The following GRID1 variants were observed in gnomAD, a reference collection of about 807,000 sequenced individuals.
GRID1 encodes the protein glutamate receptor ionotropic, delta-1.
A neutral mutation model predicts 98.0 loss-of-function variants in GRID1; 28 were observed. The ratio of observed to expected loss-of-function variants is 0.29; its 90% CI spans 0.21 to 0.39. The LOEUF (loss-of-function observed/expected upper bound fraction) is 0.39, where lower values mean the gene tolerates loss of function less well. GRID1 is among the 10% of genes least tolerant of loss of function. GRID1 has a pLI of 1.00. For synonymous variants in GRID1, 553 were observed against 538.5 expected (o/e 1.03, Z -0.37); for missense variants, 1,111 against 1,340.5 (o/e 0.83, Z 2.67).
chr10:85,964,080 G>T (rs1011936465), intron 4 of GRID1, among the ~76,000 whole-genome samples: 1 of 152,138 alleles, frequency 6.6e-6, no homozygotes, highest in Non-Finnish European at 1.5e-5. Context: ...ACTTAAAAGG[G>T]ATATGAAGGA....
rs567171578 is a variant in GRID1 at position 86,114,050 on chromosome 10, G to A, written c.726+24769C>T. On this transcript the variant is annotated intron_variant, in intron 4 of 15. Coordinates refer to ENST00000327946, the MANE Select transcript of GRID1 (RefSeq NM_017551.3). ...ATCCTTCTAAGCACCTGAGTCCACA[G>A]CATTCACATTGGTTTCCTCCATCTC... Among the ~76,000 whole-genome samples, 12 of 152,196 alleles carry A rather than the reference G, an allele frequency of 7.9e-5. No individual in the cohort carries two copies. The South Asian group carries it at 2.5e-3, about 32-fold the overall frequency.
At chr10:85,765,081 T>C (rs1446149297) in intron 8 of GRID1, among the ~76,000 whole-genome samples, 4 of 152,132 alleles carry the variant, frequency 2.6e-5, no homozygotes, top group Admixed American at 1.3e-4. Context: ...ATATATCCCA[T>C]TTAATCCTCA....
At chr10:85,979,330 A>G (rs937424343) in intron 4 of GRID1, among the ~76,000 whole-genome samples, 1 of 152,114 alleles carries the variant, frequency 6.6e-6, no homozygotes, top group Admixed American at 6.5e-5. Flanking sequence ...ATATAAAGAG[A>G]TGAGGGTGTG....
intron 3 of GRID1, among the ~76,000 whole-genome samples, chr10:86,164,049 G>T (rs776718815): frequency 6.6e-6 from 1 of 152,190 alleles, no homozygotes; most frequent in Non-Finnish European, 1.5e-5. Flanking sequence ...GACCCCAGGT[G>T]GGGAACAGTT....
intron 12 of GRID1, among the ~76,000 whole-genome samples, chr10:85,710,159 AT>A (rs953508136): frequency 2.0e-5 from 3 of 152,168 alleles, no homozygotes; most frequent in African/African-American, 7.2e-5. Context: ...GGACCCCCAA[AT>A]AGCCAAAACG....
chr10:86,105,230 T>C (rs1564676168), intron 4 of GRID1, among the ~76,000 whole-genome samples: 7 of 152,146 alleles, frequency 4.6e-5, no homozygotes. Context: ...AAATAGGCAC[T>C]GGGATAGCTT....
intron 4 of GRID1, among the ~76,000 whole-genome samples, chr10:86,074,910 T>C (rs1219978925): frequency 6.6e-6 from 1 of 152,204 alleles, no homozygotes; most frequent in East Asian, 1.9e-4. Context: ...TTGAATATTA[T>C]TGTAGTTGCT....
At chr10:85,920,388 C>A (rs183763230) in intron 4 of GRID1, among the ~76,000 whole-genome samples, 1 of 152,306 alleles carries the variant, frequency 6.6e-6, no homozygotes, top group East Asian at 1.9e-4. Flanking sequence ...CTACTGGAGT[C>A]TCCAGCCTGC....
intron 12 of GRID1, among the ~76,000 whole-genome samples, chr10:85,662,896 C>T (rs1236482396): frequency 6.6e-6 from 1 of 152,138 alleles, no homozygotes; most frequent in Non-Finnish European, 1.5e-5. Flanking sequence ...AAGGACTTGT[C>T]CCACTTAGTC....
intron 2 of GRID1, among the ~76,000 whole-genome samples, chr10:86,357,394 C>T (rs936244234): frequency 6.6e-6 from 1 of 152,234 alleles, no homozygotes; most frequent in Admixed American, 6.5e-5. Flanking sequence ...TGGCCTCTCC[C>T]ACACGCCTGG....
chr10:85,712,953 AC>A (rs1340345711), intron 12 of GRID1, among the ~76,000 whole-genome samples: 1 of 151,776 alleles, frequency 6.6e-6, no homozygotes, highest in Admixed American at 6.6e-5. Flanking sequence ...GTTGATTAAA[AC>A]TACATTAAAA....
chr10:86,142,583 G>A (rs1157885179), intron 3 of GRID1, among the ~76,000 whole-genome samples: 1 of 152,260 alleles, frequency 6.6e-6, no homozygotes, highest in Non-Finnish European at 1.5e-5. Flanking sequence ...GTGGGACCCT[G>A]AGACCTGTCA....
chr10:86,353,052 G>A (rs751848156), intron 2 of GRID1, among the ~76,000 whole-genome samples: 22 of 152,326 alleles, frequency 1.4e-4, no homozygotes, highest in Middle Eastern at 3.4e-3. Context: ...GGCCAGGAAC[G>A]TGCCCCAGGA....
rs745526960 is a variant in GRID1, at chr10:86,365,728, A to G, written c.79+586T>C. On this transcript the variant is annotated intron_variant, in intron 1 of 15. Coordinates refer to ENST00000327946, the MANE Select transcript of GRID1 (RefSeq NM_017551.3). This position sits in a 1 kb window ranked among gnomAD's most constrained non-coding sequence, Gnocchi z 4.8. ...ACAGACACACACCGGAGAAGCAGGCAGACACTGTGTCCACTCTAACAGGCT... is the reference window on the plus strand; with the variant it reads ...ACAGACACACACCGGAGAAGCAGGCGGACACTGTGTCCACTCTAACAGGCT... Among the ~76,000 whole-genome samples the G allele has an allele frequency of 6.6e-6, 1 of 152,076 alleles. No individual in the cohort carries two copies. Among genetic ancestry groups the G allele is most frequent in the East Asian group, 1.9e-4 (1 of 5,160 alleles).
At chr10:86,050,427 A>G (rs912435930) in intron 4 of GRID1, among the ~76,000 whole-genome samples, 2 of 152,244 alleles carry the variant, frequency 1.3e-5, no homozygotes, top group African/African-American at 2.4e-5. Flanking sequence ...CTGAACTTGT[A>G]TAAGAACTCT....
At chr10:85,843,035 A>G (rs923270550) in intron 8 of GRID1, among the ~76,000 whole-genome samples, 4 of 152,120 alleles carry the variant, frequency 2.6e-5, no homozygotes, top group African/African-American at 9.6e-5. Flanking sequence ...CTTAGCAAAT[A>G]CAATCCAACA....
At chr10:86,108,321 A>G (rs994779410) in intron 4 of GRID1, among the ~76,000 whole-genome samples, 1 of 152,222 alleles carries the variant, frequency 6.6e-6, no homozygotes, top group Admixed American at 6.5e-5. Context: ...CAGAGATTTT[A>G]ACAAAACCCT....
intron 4 of GRID1, 91 bp downstream of exon 4, chr10:86,138,728 G>GT: frequency 2.0e-6 from 2 of 1,018,578 alleles, no homozygotes; most frequent in African/African-American, 1.6e-5. Context: ...TAGGCCATGC[G>GT]TAAGACGACT....
At chr10:86,044,866 G>C (rs1308261824) in intron 4 of GRID1, among the ~76,000 whole-genome samples, 1 of 152,158 alleles carries the variant, frequency 6.6e-6, no homozygotes, top group African/African-American at 2.4e-5. Context: ...CTGCCGAACT[G>C]GATGCTGTAG....
Sources: gnomAD v4.1 joint callset for allele counts (sites outside exome capture counted in the v4.1 genomes callset) on GRCh38, gnomAD v4.1.1 for gene constraint, Gnocchi (gnomAD v3.1) non-coding constraint, MANE v1.5 for transcripts, NCBI Gene and HGNC (gene_info 2026-07-23, HGNC 2026-07-21) for gene names.